The following ZBTB20 variants were observed in gnomAD, a reference collection of about 807,000 sequenced individuals.
ZBTB20 encodes the protein zinc finger and BTB domain containing 20.
A neutral mutation model predicts 56.9 loss-of-function variants in ZBTB20; 9 were observed. The ratio of observed to expected loss-of-function variants is 0.16; its 90% CI spans 0.10 to 0.28. The LOEUF (loss-of-function observed/expected upper bound fraction) is 0.28, where lower values mean the gene tolerates loss of function less well. Ranked by LOEUF, ZBTB20 falls within the 10% of genes least tolerant of loss-of-function variation. The probability of loss-of-function intolerance (pLI) is 1.00; values close to 1 mark genes in which losing one functional copy is unlikely to be tolerated. For missense variants in ZBTB20, 655 were observed against 1,003.0 expected (o/e 0.65, Z 4.69); for synonymous variants, 417 against 420.7 (o/e 0.99, Z 0.11).
chr3:114,490,302 A>G (rs1013406475), intron 7 of ZBTB20, among the ~76,000 whole-genome samples: 2 of 151,782 alleles, frequency 1.3e-5, no homozygotes, highest in Non-Finnish European at 1.5e-5. Context: ...GCTTGCTGCA[A>G]TCCCTGCCTC....
At chr3:115,146,322 A>G (rs1293726625) in intron 1 of ZBTB20, among the ~76,000 whole-genome samples, 2 of 147,084 alleles carry the variant, frequency 1.4e-5, no homozygotes, top group Non-Finnish European at 3.0e-5. Context: ...GAACTTTTAG[A>G]AAATCCCTGC....
intron 2 of ZBTB20, among the ~76,000 whole-genome samples, chr3:115,064,401 G>C (rs990038853): frequency 6.7e-6 from 1 of 149,926 alleles, no homozygotes; most frequent in Non-Finnish European, 1.5e-5. Context: ...TTGGTAGTTT[G>C]GGTGTAGAAT....
chr3:114,931,083 A>G (rs1051832343), intron 3 of ZBTB20: 4 of 170,522 alleles, frequency 2.3e-5, no homozygotes, highest in Non-Finnish European at 4.1e-5. Flanking sequence ...CTGCCTTACT[A>G]CAGGCAGAGA....
At chr3:114,569,524 G>A (rs1037221549) in intron 6 of ZBTB20, among the ~76,000 whole-genome samples, 11 of 152,098 alleles carry the variant, frequency 7.2e-5, no homozygotes, top group Admixed American at 2.0e-4. Context: ...CTCTCTGACC[G>A]CAGATCAGTC....
At chr3:114,907,680 TCACCAC>T (rs374992179) in intron 3 of ZBTB20, among the ~76,000 whole-genome samples, 1 of 152,024 alleles carries the variant, frequency 6.6e-6, no homozygotes, top group East Asian at 1.9e-4. Context: ...TTTTTTGTCA[TCACCAC>T]CTAGTTCAGG....
chr3:114,335,510 T>A lies in ZBTB20; in HGVS notation c.*3495A>T, dbSNP rs978946376. The A allele has an allele frequency of 3.9e-5, 6 of 152,232 alleles. No individual in the cohort carries two copies. The highest frequency in any genetic ancestry group is 1.3e-4 in the Admixed American group (2 of 15,288). 9.4% of individuals were successfully genotyped at this position (152,232 alleles called of 1,614,324 possible). Reference sequence around the variant, plus strand: ...CTATCCTTTTGAAACAGGTCCAGATTGGTTTATTTCCTAAAATGTGGGTCA... The same window carrying A: ...CTATCCTTTTGAAACAGGTCCAGATAGGTTTATTTCCTAAAATGTGGGTCA... On this transcript the variant is annotated 3_prime_UTR_variant, in exon 12 of 12. Transcript: ENST00000675478.
chr3:114,382,189 C>T (rs2084446988), intron 8 of ZBTB20, among the ~76,000 whole-genome samples: 1 of 152,170 alleles, frequency 6.6e-6, no homozygotes, highest in Non-Finnish European at 1.5e-5. Flanking sequence ...AGTTCTGCTT[C>T]CTTCATATTT....
At chr3:114,661,360 T>G (rs942526455) in intron 6 of ZBTB20, among the ~76,000 whole-genome samples, 1 of 152,158 alleles carries the variant, frequency 6.6e-6, no homozygotes, top group Non-Finnish European at 1.5e-5. Flanking sequence ...AAAGATGTGA[T>G]TTTTGGAGAT....
intron 2 of ZBTB20, among the ~76,000 whole-genome samples, chr3:115,029,235 T>G (rs1265089358): frequency 6.6e-6 from 1 of 150,802 alleles, no homozygotes; most frequent in Non-Finnish European, 1.5e-5. Flanking sequence ...TAAAAAATTT[T>G]GAATAAATTA....
In ZBTB20 at chr3:114,314,722, G is replaced by A. The variant is rs1485790674; in HGVS notation, c.*24283C>T. ...AAATTTATTTTCGTATTTTTAAGGCGTAATACTTCCGTATAAAGTATATGC... is the reference window on the plus strand; with the variant it reads ...AAATTTATTTTCGTATTTTTAAGGCATAATACTTCCGTATAAAGTATATGC... On this transcript the variant is annotated 3_prime_UTR_variant, in exon 12 of 12. Transcript: ENST00000675478. 3 of 151,682 alleles carry A rather than the reference G, an allele frequency of 2.0e-5. No individual in the cohort carries two copies. Among genetic ancestry groups the A allele is most frequent in the Admixed American group, 6.6e-5 (1 of 15,238 alleles). 9.4% of individuals were successfully genotyped at this position (151,682 alleles called of 1,614,324 possible).
intron 7 of ZBTB20, among the ~76,000 whole-genome samples, chr3:114,433,909 T>C (rs878992246): frequency 2.6e-5 from 4 of 152,136 alleles, no homozygotes; most frequent in Admixed American, 1.3e-4. Context: ...TTGATGTGCA[T>C]TAGGGGATTG....
At chr3:114,515,954 T>C (rs1250983936) in intron 6 of ZBTB20, among the ~76,000 whole-genome samples, 1 of 152,080 alleles carries the variant, frequency 6.6e-6, no homozygotes, top group Non-Finnish European at 1.5e-5. Flanking sequence ...TCCCGTTTAT[T>C]CCTCAAACCA....
intron 2 of ZBTB20, among the ~76,000 whole-genome samples, chr3:115,027,825 G>A (rs549140063): frequency 2.7e-5 from 4 of 150,668 alleles, no homozygotes; most frequent in African/African-American, 9.7e-5. Flanking sequence ...TCTATAAATG[G>A]AAAATTTTAA....
intron 1 of ZBTB20, among the ~76,000 whole-genome samples, chr3:115,108,295 A>G (rs1425126219): frequency 2.0e-5 from 3 of 152,210 alleles, no homozygotes; most frequent in Non-Finnish European, 4.4e-5. Flanking sequence ...AGTTGGCTTC[A>G]GAGTACTTCA....
intron 6 of ZBTB20, among the ~76,000 whole-genome samples, chr3:114,530,735 ACT>A (rs2047751438): frequency 6.6e-6 from 1 of 152,044 alleles, no homozygotes; most frequent in Non-Finnish European, 1.5e-5. Flanking sequence ...TTGATACTTT[ACT>A]CTCAGTGTCA....
chr3:115,111,045 T>C (rs929635102), intron 1 of ZBTB20, among the ~76,000 whole-genome samples: 2 of 131,610 alleles, frequency 1.5e-5, no homozygotes, highest in South Asian at 2.4e-4. Context: ...AATAAATAAA[T>C]AAAAATAAAA....
intron 1 of ZBTB20, among the ~76,000 whole-genome samples, chr3:115,072,679 C>A (rs527979954): frequency 1.1e-4 from 17 of 152,294 alleles, no homozygotes; most frequent in Admixed American, 8.5e-4. Flanking sequence ...TAAGTTCACT[C>A]ATTCATAGCA....
At chr3:114,645,510 C>G (rs1481482087) in intron 6 of ZBTB20, among the ~76,000 whole-genome samples, 1 of 152,074 alleles carries the variant, frequency 6.6e-6, no homozygotes, top group East Asian at 1.9e-4. Context: ...TCCAGAGATG[C>G]TTCAACTGTA....
chr3:114,841,442 G>A (rs1174898504), intron 4 of ZBTB20, among the ~76,000 whole-genome samples: 1 of 152,176 alleles, frequency 6.6e-6, no homozygotes, highest in Non-Finnish European at 1.5e-5. Flanking sequence ...TCTAGAAAAT[G>A]AGACAGGAGC....
Sources: allele counts gnomAD v4.1 joint callset (sites outside exome capture counted in the v4.1 genomes callset), GRCh38; gene constraint gnomAD v4.1.1; transcripts MANE v1.5; gene names NCBI Gene and HGNC (gene_info 2026-07-23, HGNC 2026-07-21).